Variants in RSF1 observed in about 807,000 individuals in gnomAD.
RSF1 encodes HBV pX-associated protein 8.
A neutral mutation model predicts 145.2 loss-of-function variants in RSF1; 13 were observed. The observed-to-expected ratio is 0.09, with a 90% CI of 0.06 to 0.14. The LOEUF (loss-of-function observed/expected upper bound fraction) is 0.14. RSF1 is among the 10% of genes least tolerant of loss of function. The pLI is 1.00. For synonymous variants in RSF1, 577 were observed against 592.6 expected (o/e 0.97, Z 0.38); for missense variants, 1,517 against 1,718.2 (o/e 0.88, Z 2.07).
intron 1 of RSF1, among the ~76,000 whole-genome samples, chr11:77,768,336 T>C (rs1001622507): frequency 4.6e-5 from 7 of 151,984 alleles, no homozygotes; most frequent in South Asian, 2.1e-4. Context: ...CTGATTTTTA[T>C]ATTTTTAGTA....
At chr11:77,868,515 C>A in the RSF1 span, among the ~76,000 whole-genome samples, 1 of 151,732 alleles carries the variant, frequency 6.6e-6, no homozygotes, top group Non-Finnish European at 1.5e-5. Flanking sequence ...CGCGCCACCA[C>A]ACCCAGCTAA....
At chr11:77,672,664 T>C (rs1002565601) in intron 14 of RSF1, among the ~76,000 whole-genome samples, 1 of 151,992 alleles carries the variant, frequency 6.6e-6, no homozygotes, top group Non-Finnish European at 1.5e-5. Context: ...TCCTCAAGAT[T>C]AGAAAATGTT....
rs755909097 is a variant in RSF1, at chr11:77,701,583, T to A, written c.1646A>T (p.Asp549Val). 1 of 1,614,116 alleles carries A rather than the reference T, an allele frequency of 6.2e-7. No homozygotes were observed. Among genetic ancestry groups the A allele is most frequent in the East Asian group, 2.2e-5 (1 of 44,872 alleles). The change falls in exon 6 of 16, where the codon GAT (aspartate) becomes GTT (valine). Residue 549 changes from aspartate to valine, a missense_variant. By Grantham distance (152) the Asp-to-Val change is radical. Around this residue, in one of 12 missense-constraint regions of RSF1, gnomAD observed 579 missense variants for 553.5 expected, o/e 1.05. Transcript: ENST00000308488. ...AGATAAAGCAGTTTTTGAAGAGAGA[T>A]CTTTTGCCATCTCAGAAGAATCAAG... ...TSLDSSEMAK[D>V]LSSKTALSST...
intron 1 of RSF1, among the ~76,000 whole-genome samples, chr11:77,767,049 C>T (rs1948233491): frequency 6.6e-6 from 1 of 152,088 alleles, no homozygotes; most frequent in Non-Finnish European, 1.5e-5. Context: ...CTCAGCTGCC[C>T]CACCTATATA....
the RSF1 span, among the ~76,000 whole-genome samples, chr11:77,841,793 C>T: frequency 1.3e-5 from 2 of 152,166 alleles, no homozygotes; most frequent in Non-Finnish European, 2.9e-5. Context: ...TTTGCCAATC[C>T]ATAGCTTGCC....
At chr11:77,692,524 G>A (rs1253180969) in intron 8 of RSF1, among the ~76,000 whole-genome samples, 34 of 102,872 alleles carry the variant, frequency 3.3e-4, no homozygotes, top group African/African-American at 1.5e-3. Flanking sequence ...GATTACAGGC[G>A]TGAGCCACCG....
chr11:77,693,612 C>G lies in RSF1; in HGVS notation c.2716-1G>C. The G allele has an allele frequency of 6.2e-7, 1 of 1,607,262 alleles. No individual in the cohort carries two copies. The highest frequency in any genetic ancestry group is 8.5e-7 in the Non-Finnish European group (1 of 1,174,224). On this transcript the variant is annotated splice_acceptor_variant, in intron 7 of 15. Coordinates refer to ENST00000308488, the MANE Select transcript of RSF1 (RefSeq NM_016578.4). LOFTEE classifies it high-confidence loss of function. ...TATCGCAAGAGTCACACAGAAGAAT[C>G]TGAAATAACCACACTGATGTCAACC...
At chr11:77,765,849 G>C (rs1948219783) in intron 1 of RSF1, among the ~76,000 whole-genome samples, 1 of 152,114 alleles carries the variant, frequency 6.6e-6, no homozygotes, top group African/African-American at 2.4e-5. Context: ...CTGGGTTCAA[G>C]CAATTCTCCT....
At chr11:77,667,828 C>T (rs978489706) in intron 15 of RSF1, among the ~76,000 whole-genome samples, 1 of 152,094 alleles carries the variant, frequency 6.6e-6, no homozygotes, top group Non-Finnish European at 1.5e-5. Context: ...CTCAGCCTCC[C>T]GAGTAGCTGG....
At chr11:77,725,013 G>A (rs138659150) in intron 5 of RSF1, among the ~76,000 whole-genome samples, 184 of 152,238 alleles carry the variant, frequency 1.2e-3, no homozygotes, top group African/African-American at 4.2e-3. Context: ...ATGATTCCTC[G>A]GATATGAATG....
intron 1 of RSF1, among the ~76,000 whole-genome samples, chr11:77,768,008 C>T (rs1212585702): frequency 1.3e-5 from 2 of 152,114 alleles, no homozygotes; most frequent in Non-Finnish European, 2.9e-5. Context: ...GGCTCTTCTA[C>T]AGTCAGCACT....
the RSF1 span, chr11:77,868,835 C>A: frequency 5.0e-6 from 1 of 201,252 alleles, no homozygotes. Flanking sequence ...GTACCTTTCT[C>A]TCTGGCTTCC....
intron 4 of RSF1, among the ~76,000 whole-genome samples, chr11:77,729,878 C>T (rs1418723418): frequency 6.4e-5 from 5 of 78,232 alleles, no homozygotes; most frequent in African/African-American, 1.9e-4. Context: ...GGTATAAATG[C>T]CAAATTATTC....
In RSF1 at chr11:77,763,425, T is replaced by C. The variant is rs1590873375; in HGVS notation, c.279+1173A>G. ...ACAAATGTGAGGAACATTTCATCAG[T>C]GATATTTTAAAGTACTGGATTCACC... On this transcript the variant is annotated intron_variant, in intron 2 of 15. Transcript: ENST00000308488. 2.0e-5 allele frequency: 3 copies of C among 151,922 alleles called. No individual in the cohort carries two copies. The East Asian group carries it at 5.8e-4, about 29-fold the overall frequency. 9.4% of individuals were successfully genotyped at this position (151,922 alleles called of 1,614,324 possible).
chr11:77,872,157 T>C, the RSF1 span: 2 of 1,608,106 alleles, frequency 1.2e-6, no homozygotes, highest in African/African-American at 2.7e-5. Context: ...CTTACTCATC[T>C]CTTTTCCACC....
intron 5 of RSF1, among the ~76,000 whole-genome samples, chr11:77,705,761 G>T (rs1240359322): frequency 1.3e-5 from 2 of 151,868 alleles, no homozygotes; most frequent in Admixed American, 6.6e-5. Context: ...TCCCAGCTAC[G>T]TGGGAGGATT....
intron 5 of RSF1, among the ~76,000 whole-genome samples, chr11:77,707,932 A>G (rs543242584): frequency 1.3e-5 from 2 of 152,382 alleles, no homozygotes; most frequent in African/African-American, 2.4e-5. Context: ...AATAATGACT[A>G]GAAAGAAACA....
At position 77,683,742 on chromosome 11, in the gene RSF1, C is replaced by T. The variant is rs1590827707; in HGVS notation, c.3033G>A (p.Arg1011=). The T allele has an allele frequency of 6.2e-7, 1 of 1,613,154 alleles. No homozygotes were observed. The highest frequency in any genetic ancestry group is 8.5e-7 in the Non-Finnish European group (1 of 1,179,684). Reference sequence around the variant, plus strand: ...TTATACATTTCCTTGTTCTTGTTGACCTCCTTTCAAGCAAGTTTGCTTTGG... The same window carrying T: ...TTATACATTTCCTTGTTCTTGTTGATCTCCTTTCAAGCAAGTTTGCTTTGG... The part of the protein sequence containing the change: ...KKSKANLLER[R]STRTRKCISY... The change falls in exon 11 of 16, where the codon AGG becomes AGA. Residue 1011 remains arginine, a synonymous_variant. Transcript: ENST00000308488.
At chr11:77,740,649 T>C in intron 4 of RSF1, 82 bp downstream of exon 4, 1 of 1,331,024 alleles carries the variant, frequency 7.5e-7, no homozygotes, top group Non-Finnish European at 1.1e-6. Flanking sequence ...CACTTCTGTC[T>C]GATAGATAAC....
Sources: allele counts gnomAD v4.1 joint callset (sites outside exome capture counted in the v4.1 genomes callset), GRCh38; gene constraint gnomAD v4.1.1; regional missense constraint gnomAD v4.1.1; transcripts MANE v1.5; gene names NCBI Gene and HGNC (gene_info 2026-07-23, HGNC 2026-07-21).